Variants in ASIP observed in about 807,000 individuals in gnomAD.
ASIP encodes the protein agouti signaling protein.
A neutral mutation model predicts 10.3 loss-of-function variants in ASIP; 11 were observed. That is an observed-to-expected ratio of 1.07 (90% CI 0.68 to 1.78). The LOEUF is 1.78. ASIP is among the 40% of genes most tolerant of loss of function. The pLI is 0.00. For missense variants in ASIP, 180 were observed against 169.2 expected (o/e 1.06, Z -0.35); for synonymous variants, 70 against 70.8 (o/e 0.99, Z 0.06).
At chr20:34,205,248 G>A (rs1041113225) in intron 1 of ASIP, among the ~76,000 whole-genome samples, 2 of 152,208 alleles carry the variant, frequency 1.3e-5, no homozygotes, top group Non-Finnish European at 2.9e-5. Flanking sequence ...TGAAGCTGCA[G>A]ACCTTCACAG....
In ASIP at chr20:34,256,583, G is replaced by A. The variant is rs150706576; in HGVS notation, c.-10-3782G>A. 1.0e-3 allele frequency among the ~76,000 whole-genome samples: 155 copies of A among 152,242 alleles called. 1 individual carries two copies. The East Asian group carries it at 0.028, about 27-fold the overall frequency. Reference sequence around the variant, plus strand: ...TTCCTCCAGTGCTGGGATTATAGGCGTGAGCCACCATGCCTGGCCTCTTTT... The same window carrying A: ...TTCCTCCAGTGCTGGGATTATAGGCATGAGCCACCATGCCTGGCCTCTTTT... On this transcript the variant is annotated intron_variant, in intron 1 of 3. Transcript: ENST00000374954.
chr20:34,258,695 AC>A (rs11471304), intron 1 of ASIP, among the ~76,000 whole-genome samples: 2,328 of 15,320 alleles, frequency 0.15, 395 homozygotes, highest in East Asian at 0.35. Context: ...ATATATACAT[AC>A]TATATATATA....
At chr20:34,256,439 T>C (rs932156471) in intron 1 of ASIP, among the ~76,000 whole-genome samples, 10 of 152,202 alleles carry the variant, frequency 6.6e-5, no homozygotes, top group African/African-American at 2.2e-4. Flanking sequence ...ACAGACCCAG[T>C]AGGGCTGGAC....
upstream of ASIP, among the ~76,000 whole-genome samples, chr20:34,192,119 C>T (rs1446663124): frequency 2.0e-5 from 3 of 152,174 alleles, no homozygotes; most frequent in Non-Finnish European, 2.9e-5. Flanking sequence ...TCACCACAAC[C>T]TCTGCCTCCC....
At chr20:34,223,540 G>C (rs1457822668) in intron 1 of ASIP, among the ~76,000 whole-genome samples, 7 of 127,450 alleles carry the variant, frequency 5.5e-5, no homozygotes, top group Middle Eastern at 3.7e-3. Context: ...CATCCGGGAG[G>C]GAGGTGGGGG....
At chr20:34,254,616 A>G (rs1023587300) in intron 1 of ASIP, among the ~76,000 whole-genome samples, 1 of 152,204 alleles carries the variant, frequency 6.6e-6, no homozygotes, top group Non-Finnish European at 1.5e-5. Context: ...CCTGCCTATT[A>G]TGAAGATCCA....
At chr20:34,214,459 A>C (rs948334918) in intron 1 of ASIP, 2 of 1,515,002 alleles carry the variant, frequency 1.3e-6, no homozygotes, top group African/African-American at 2.7e-5. Context: ...ACATCACCTG[A>C]GAAGTGAGCA....
upstream of ASIP, among the ~76,000 whole-genome samples, chr20:34,240,398 T>C (rs539212019): frequency 3.3e-5 from 5 of 152,178 alleles, no homozygotes; most frequent in Non-Finnish European, 5.9e-5. Context: ...ATGACCCAGT[T>C]TGTGTGATCA....
At chr20:34,250,175 T>C (rs574297620) in intron 1 of ASIP, 21 of 152,364 alleles carry the variant, frequency 1.4e-4, no homozygotes, top group African/African-American at 4.6e-4. Context: ...CTGAGCCCAG[T>C]CACCTCCCCT....
intron 1 of ASIP, among the ~76,000 whole-genome samples, chr20:34,227,691 A>T (rs1184382364): frequency 6.6e-6 from 1 of 151,886 alleles, no homozygotes; most frequent in Non-Finnish European, 1.5e-5. Flanking sequence ...TATTGTTCTG[A>T]TGTCAGTTCT....
At chr20:34,189,110 C>T in the ASIP span, among the ~76,000 whole-genome samples, 5 of 152,092 alleles carry the variant, frequency 3.3e-5, no homozygotes, top group East Asian at 3.8e-4. Context: ...TCACAACGAC[C>T]GTGAGGCATT....
chr20:34,255,747 G>T (rs971149650), intron 1 of ASIP, among the ~76,000 whole-genome samples: 1 of 152,168 alleles, frequency 6.6e-6, no homozygotes. Context: ...CCTCTGTTAC[G>T]CCCGGACAGG....
chr20:34,200,159 C>A (rs2034883338), intron 1 of ASIP, among the ~76,000 whole-genome samples: 1 of 152,156 alleles, frequency 6.6e-6, no homozygotes, highest in South Asian at 2.1e-4. Context: ...GGTCATTCTT[C>A]AGATGTTTGG....
At chr20:34,196,793 T>C (rs2034860404) in intron 1 of ASIP, among the ~76,000 whole-genome samples, 1 of 152,150 alleles carries the variant, frequency 6.6e-6, no homozygotes, top group South Asian at 2.1e-4. Context: ...AGGAAAAAGA[T>C]GAAGAATGGG....
At chr20:34,266,197 C>CAA (rs1283346775) in intron 3 of ASIP, among the ~76,000 whole-genome samples, 14 of 151,636 alleles carry the variant, frequency 9.2e-5, no homozygotes, top group Admixed American at 8.5e-4. Flanking sequence ...ACTAAAAATA[C>CAA]AAAAATTAGC....
intron 1 of ASIP, among the ~76,000 whole-genome samples, chr20:34,206,610 G>C (rs954848804): frequency 6.6e-6 from 1 of 151,866 alleles, no homozygotes; most frequent in Non-Finnish European, 1.5e-5. Flanking sequence ...ACAAAGTCTC[G>C]CTCTGTCACC....
chr20:34,236,797 T>G (rs2035217122), upstream of ASIP, among the ~76,000 whole-genome samples: 3 of 152,368 alleles, frequency 2.0e-5, no homozygotes, highest in Admixed American at 6.5e-5. Flanking sequence ...TGATTGTATT[T>G]GCCTGGGAAA....
chr20:34,240,904 T>G (rs2035275297), upstream of ASIP, among the ~76,000 whole-genome samples: 1 of 152,150 alleles, frequency 6.6e-6, no homozygotes, highest in Non-Finnish European at 1.5e-5. Flanking sequence ...ACAAGACTTC[T>G]GGCAACCAGA....
intron 1 of ASIP, among the ~76,000 whole-genome samples, chr20:34,258,933 C>A (rs1389356002): frequency 7.3e-6 from 1 of 136,424 alleles, no homozygotes. Context: ...CACAAATGAA[C>A]AAATATGGCT....
Sources: gnomAD v4.1 joint callset for allele counts (sites outside exome capture counted in the v4.1 genomes callset) on GRCh38, gnomAD v4.1.1 for gene constraint, MANE v1.5 for transcripts, NCBI Gene and HGNC (gene_info 2026-07-23, HGNC 2026-07-21) for gene names.